The following PALM2AKAP2 variants were observed in gnomAD, a reference collection of about 807,000 sequenced individuals.
The protein encoded by PALM2AKAP2 is PALM2 and AKAP2 fusion.
Under a neutral mutation model 71.5 loss-of-function variants are expected in PALM2AKAP2, and 37 were observed. The ratio of observed to expected loss-of-function variants is 0.52; its 90% confidence interval spans 0.40 to 0.68. The LOEUF (loss-of-function observed/expected upper bound fraction) is 0.68. Among genes scored for constraint, PALM2AKAP2 ranks in the 30% least tolerant of loss-of-function variants. The pLI is 0.00. For synonymous variants in PALM2AKAP2, 468 were observed against 478.8 expected (o/e 0.98, Z 0.29); for missense variants, 1,224 against 1,191.8 (o/e 1.03, Z -0.40).
At chr9:109,674,151 C>T (rs1312681718) in intron 1 of PALM2AKAP2, among the ~76,000 whole-genome samples, 1 of 151,884 alleles carries the variant, frequency 6.6e-6, no homozygotes, top group Admixed American at 6.6e-5. Context: ...GATACTTTAG[C>T]TTTCTGTTCT....
chr9:109,907,456 C>T (rs1416529252), intron 3 of PALM2AKAP2, among the ~76,000 whole-genome samples: 1 of 152,216 alleles, frequency 6.6e-6, no homozygotes, highest in Non-Finnish European at 1.5e-5. Flanking sequence ...CTGCCTGCCT[C>T]TATTTTCATT....
chr9:109,866,896 C>A (rs1488851825), intron 1 of PALM2AKAP2: 1 of 389,636 alleles, frequency 2.6e-6, no homozygotes, highest in East Asian at 7.2e-5. Context: ...AGCTGCCCCA[C>A]CCACATGAAA....
chr9:109,933,262 G>A (rs915574158), intron 6 of PALM2AKAP2, among the ~76,000 whole-genome samples: 3 of 152,156 alleles, frequency 2.0e-5, no homozygotes, highest in Non-Finnish European at 4.4e-5. Context: ...TTTAACATTG[G>A]ACTCTTTAAG....
chr9:110,143,514 A>G (rs920091272), intron 2 of PALM2AKAP2, among the ~76,000 whole-genome samples: 1 of 151,936 alleles, frequency 6.6e-6, no homozygotes, highest in African/African-American at 2.4e-5. Context: ...GCTGTAAAAC[A>G]CCCTTGAGGA....
intron 7 of PALM2AKAP2, among the ~76,000 whole-genome samples, chr9:110,016,727 GA>G (rs1239092899): frequency 1.3e-5 from 2 of 152,150 alleles, no homozygotes; most frequent in African/African-American, 2.4e-5. Flanking sequence ...TCCTCTCTTA[GA>G]ACTCTGCTAA....
chr9:109,832,399 C>G (rs564929155), intron 1 of PALM2AKAP2, among the ~76,000 whole-genome samples: 1 of 152,260 alleles, frequency 6.6e-6, no homozygotes, highest in East Asian at 1.9e-4. Context: ...GAGGTGTGAA[C>G]GAGCCATTTG....
At chr9:110,003,654 G>A (rs1832722991) in intron 6 of PALM2AKAP2, among the ~76,000 whole-genome samples, 2 of 152,134 alleles carry the variant, frequency 1.3e-5, no homozygotes, top group African/African-American at 4.8e-5. Context: ...TTATTATTGT[G>A]TGGGAGTCTA....
intron 1 of PALM2AKAP2, among the ~76,000 whole-genome samples, chr9:110,135,324 A>C (rs372362336): frequency 1.5e-5 from 2 of 129,600 alleles, no homozygotes; most frequent in Admixed American, 7.8e-5. Context: ...AAAAAAAAAA[A>C]GCCCTCAAGA....
chr9:109,684,355 C>G (rs919941964), intron 1 of PALM2AKAP2, among the ~76,000 whole-genome samples: 2 of 152,080 alleles, frequency 1.3e-5, no homozygotes, highest in African/African-American at 4.8e-5. Context: ...ATGCCCGGGC[C>G]CCACTCTAGA....
chr9:110,102,271 G>T (rs1425504959), intron 1 of PALM2AKAP2, among the ~76,000 whole-genome samples: 1 of 152,172 alleles, frequency 6.6e-6, no homozygotes, highest in African/African-American at 2.4e-5. Flanking sequence ...ATGGAATAGT[G>T]CTTAATGGGA....
intron 1 of PALM2AKAP2, among the ~76,000 whole-genome samples, chr9:109,698,093 G>A (rs894284172): frequency 6.6e-6 from 1 of 152,128 alleles, no homozygotes; most frequent in African/African-American, 2.4e-5. Flanking sequence ...GCACAGTCCT[G>A]AAACATGAGA....
At position 109,904,775 on chromosome 9, in the gene PALM2AKAP2, C is replaced by T. The variant is rs146537513; in HGVS notation, c.258-18960C>T. On this transcript the variant is annotated intron_variant, in intron 3 of 9. Coordinates refer to the PALM2AKAP2 transcript ENST00000302798. The stretch of plus-strand genomic sequence containing the variant: ...TTTTTAAAATTATTATTCTGGAGCA[C>T]GATGTACTATCTCTGTATCCAAGAG... Among the ~76,000 whole-genome samples the T allele has an allele frequency of 3.1e-4, 47 of 152,220 alleles. 1 individual carries two copies. The highest frequency in any genetic ancestry group is 7.2e-4 in the African/African-American group (30 of 41,528).
At chr9:110,137,721 T>A in exon 2 of PALM2AKAP2, 1 of 1,614,190 alleles carries the variant, frequency 6.2e-7, no homozygotes, top group South Asian at 1.1e-5. Context: ...TCCAATGATT[T>A]CAGCATGGAC....
intron 1 of PALM2AKAP2, among the ~76,000 whole-genome samples, chr9:110,060,659 T>G (rs919296867): frequency 1.3e-5 from 2 of 152,128 alleles, no homozygotes; most frequent in Non-Finnish European, 1.5e-5. Context: ...TGGAGTGCAG[T>G]GGCGCGATCT....
chr9:109,725,986 T>G (rs1828471095), intron 1 of PALM2AKAP2, among the ~76,000 whole-genome samples: 1 of 152,224 alleles, frequency 6.6e-6, no homozygotes, highest in Admixed American at 6.5e-5. Flanking sequence ...CTCATATGCC[T>G]GCATTTAATC....
chr9:109,756,482 G>A (rs1259959916), intron 1 of PALM2AKAP2, among the ~76,000 whole-genome samples: 1 of 152,110 alleles, frequency 6.6e-6, no homozygotes, highest in African/African-American at 2.4e-5. Context: ...TGATTGTGGT[G>A]CTATCTTTTA....
intron 6 of PALM2AKAP2, among the ~76,000 whole-genome samples, chr9:110,010,080 A>G (rs1832852780): frequency 6.6e-6 from 1 of 152,172 alleles, no homozygotes. Context: ...AAAAAATGTT[A>G]TGGTGGTTGA....
intron 1 of PALM2AKAP2, among the ~76,000 whole-genome samples, chr9:109,836,167 C>T (rs1354211449): frequency 6.6e-6 from 1 of 152,156 alleles, no homozygotes; most frequent in Non-Finnish European, 1.5e-5. Context: ...GCCGGATACC[C>T]CTCTGAGATG....
chr9:109,984,800 G>A (rs1443167586), intron 6 of PALM2AKAP2, among the ~76,000 whole-genome samples: 3 of 151,652 alleles, frequency 2.0e-5, no homozygotes, highest in African/African-American at 7.3e-5. Context: ...GACCCCAGGA[G>A]TTCGAGGTTT....
Sources: allele counts gnomAD v4.1 joint callset (sites outside exome capture counted in the v4.1 genomes callset), GRCh38; gene constraint gnomAD v4.1.1; transcripts MANE v1.5; gene names NCBI Gene and HGNC (gene_info 2026-07-23, HGNC 2026-07-21).